The following TMEM65 variants were observed in gnomAD, a reference collection of about 807,000 sequenced individuals.
TMEM65 encodes transmembrane protein 65.
Under a neutral mutation model 25.4 loss-of-function variants are expected in TMEM65, and 22 were observed. That is an observed-to-expected ratio of 0.86 (90% CI 0.62 to 1.23). The LOEUF (loss-of-function observed/expected upper bound fraction) is 1.23. Among genes scored for constraint, TMEM65 ranks in the 50% most tolerant of loss-of-function variants. TMEM65 has a pLI of 0.00. For missense variants in TMEM65, 262 were observed against 308.2 expected, an observed-to-expected ratio of 0.85 and a Z score of 1.12; for synonymous variants, 132 against 126.2, an observed-to-expected ratio of 1.05 and a Z score of -0.31.
intron 1 of TMEM65, among the ~76,000 whole-genome samples, chr8:124,357,050 T>C (rs979534825): frequency 3.9e-5 from 4 of 102,054 alleles, no homozygotes; most frequent in African/African-American, 1.2e-4. Flanking sequence ...CCTTAGCTTC[T>C]AGGATATCTT....
At chr8:124,350,933 T>C in intron 1 of TMEM65, 1 of 958,696 alleles carries the variant, frequency 1.0e-6, no homozygotes, top group Non-Finnish European at 1.2e-6. Context: ...TCAAAAACAC[T>C]AACGCAAAAA....
At chr8:124,317,074 G>A (rs1814246206) in intron 6 of TMEM65, among the ~76,000 whole-genome samples, 1 of 152,110 alleles carries the variant, frequency 6.6e-6, no homozygotes, top group South Asian at 2.1e-4. Context: ...CAGATTTAAA[G>A]TGATTTAAAG....
intron 1 of TMEM65, among the ~76,000 whole-genome samples, chr8:124,343,106 A>C (rs1814600213): frequency 1.3e-5 from 2 of 152,196 alleles, no homozygotes; most frequent in South Asian, 4.1e-4. Flanking sequence ...ATGGCATTAA[A>C]CAAAGCTCAC....
chr8:124,321,460 T>G, intron 5 of TMEM65, among the ~76,000 whole-genome samples: 1 of 152,098 alleles, frequency 6.6e-6, no homozygotes, highest in Non-Finnish European at 1.5e-5. Flanking sequence ...CATCTGCTAC[T>G]TGGAACAAGA....
intron 1 of TMEM65, among the ~76,000 whole-genome samples, chr8:124,355,246 GA>G (rs796395506): frequency 9.7e-5 from 14 of 144,128 alleles, no homozygotes; most frequent in East Asian, 2.0e-4. Flanking sequence ...CCTTTGAGCA[GA>G]AAAAAAAAAA....
chr8:124,357,024 G>A (rs1180255489), intron 1 of TMEM65, among the ~76,000 whole-genome samples: 2 of 151,018 alleles, frequency 1.3e-5, no homozygotes, highest in Non-Finnish European at 3.0e-5. Context: ...CCTCTTTCTT[G>A]AAATGCCTCT....
At chr8:124,334,296 T>C (rs1450072097) in intron 1 of TMEM65, among the ~76,000 whole-genome samples, 1 of 152,088 alleles carries the variant, frequency 6.6e-6, no homozygotes, top group Non-Finnish European at 1.5e-5. Flanking sequence ...GTCACTCAAA[T>C]GTTAGAATTA....
At chr8:124,355,888 A>C (rs572256281) in intron 1 of TMEM65, among the ~76,000 whole-genome samples, 4 of 152,306 alleles carry the variant, frequency 2.6e-5, no homozygotes, top group Non-Finnish European at 4.4e-5. Context: ...GGAGATTTTG[A>C]GGCAGTATGA....
intron 1 of TMEM65, among the ~76,000 whole-genome samples, chr8:124,345,390 C>A (rs1179028538): frequency 6.6e-6 from 1 of 152,178 alleles, no homozygotes; most frequent in Non-Finnish European, 1.5e-5. Context: ...TCAAATGAAT[C>A]CTGCTAACTT....
chr8:124,334,142 C>G (rs971509728), intron 1 of TMEM65, among the ~76,000 whole-genome samples: 2 of 152,152 alleles, frequency 1.3e-5, no homozygotes, highest in Non-Finnish European at 2.9e-5. Context: ...AAAATCAATG[C>G]TTTTCAGATG....
chr8:124,354,682 C>G (rs1022310156), intron 1 of TMEM65, among the ~76,000 whole-genome samples: 10 of 152,316 alleles, frequency 6.6e-5, no homozygotes, highest in African/African-American at 2.2e-4. Context: ...ACGGTGTTAG[C>G]TGAGGCTTCC....
intron 1 of TMEM65, among the ~76,000 whole-genome samples, chr8:124,347,680 A>G (rs574537665): frequency 6.6e-6 from 1 of 152,326 alleles, no homozygotes; most frequent in African/African-American, 2.4e-5. Context: ...ACTTCACTGC[A>G]ACCTGTTACC....
At chr8:124,343,859 T>C (rs1814612639) in intron 1 of TMEM65, among the ~76,000 whole-genome samples, 1 of 152,222 alleles carries the variant, frequency 6.6e-6, no homozygotes, top group Admixed American at 6.5e-5. Context: ...AGATATGTCA[T>C]GTTACTAACA....
At chr8:124,349,144 G>T (rs1195476070) in intron 1 of TMEM65, among the ~76,000 whole-genome samples, 2 of 152,092 alleles carry the variant, frequency 1.3e-5, no homozygotes, top group South Asian at 2.1e-4. Flanking sequence ...TTCTCATTCA[G>T]TTAATAAATT....
intron 1 of TMEM65, among the ~76,000 whole-genome samples, chr8:124,338,058 C>A (rs1037492970): frequency 1.3e-5 from 2 of 151,798 alleles, no homozygotes; most frequent in East Asian, 3.8e-4. Context: ...AACTTAAAAG[C>A]ATCCACAGTT....
intron 1 of TMEM65, among the ~76,000 whole-genome samples, chr8:124,354,260 T>C (rs1312011275): frequency 6.6e-6 from 1 of 152,182 alleles, no homozygotes; most frequent in African/African-American, 2.4e-5. Flanking sequence ...AACAACTAAA[T>C]GCAACACACA....
At chr8:124,369,280 A>T (rs1434406743) in intron 1 of TMEM65, among the ~76,000 whole-genome samples, 1 of 152,232 alleles carries the variant, frequency 6.6e-6, no homozygotes, top group Non-Finnish European at 1.5e-5. Context: ...GGTCTGCCTT[A>T]TCTATTACGA....
At chr8:124,370,693 T>C (rs143508469) in intron 1 of TMEM65, among the ~76,000 whole-genome samples, 1 of 152,318 alleles carries the variant, frequency 6.6e-6, no homozygotes, top group East Asian at 1.9e-4. Context: ...GTAGTACAGA[T>C]AACGTCCTGC....
intron 1 of TMEM65, among the ~76,000 whole-genome samples, chr8:124,362,678 A>G (rs1814884521): frequency 6.6e-6 from 1 of 150,918 alleles, no homozygotes; most frequent in South Asian, 2.1e-4. Context: ...AAAAAAATAG[A>G]AAAAATGCTA....
Sources: allele counts gnomAD v4.1 joint callset (sites outside exome capture counted in the v4.1 genomes callset), GRCh38; gene constraint gnomAD v4.1.1; transcripts MANE v1.5; gene names NCBI Gene and HGNC (gene_info 2026-07-23, HGNC 2026-07-21).